Variants in ELOVL6 observed in about 807,000 individuals in gnomAD.
ELOVL6 encodes ELOVL fatty acid elongase 6, also known as very long chain fatty acid elongase 6.
ELOVL6 carries 8 observed loss-of-function variants against 31.7 expected under a neutral mutation model. That is an observed-to-expected ratio of 0.25 (90% CI 0.15 to 0.45). The LOEUF (loss-of-function observed/expected upper bound fraction) is 0.45. ELOVL6 is among the 20% of genes least tolerant of loss of function. ELOVL6 has a pLI of 1.00. For missense variants in ELOVL6, 126 were observed against 326.4 expected (o/e 0.39, Z 4.73); for synonymous variants, 101 against 117.7 (o/e 0.86, Z 0.92).
At chr4:110,172,126 C>T (rs1267293428) in intron 1 of ELOVL6, among the ~76,000 whole-genome samples, 1 of 152,112 alleles carries the variant, frequency 6.6e-6, no homozygotes, top group East Asian at 1.9e-4. Flanking sequence ...GAGACCCAGA[C>T]ATGTGACTCT....
intron 1 of ELOVL6, among the ~76,000 whole-genome samples, chr4:110,130,577 A>AT (rs1757638915): frequency 1.3e-5 from 2 of 152,246 alleles, no homozygotes; most frequent in Non-Finnish European, 2.9e-5. Context: ...AAGGAAAAGT[A>AT]ACTCCCAGAA....
intron 1 of ELOVL6, among the ~76,000 whole-genome samples, chr4:110,111,497 G>T (rs555833238): frequency 4.0e-5 from 6 of 150,628 alleles, no homozygotes; most frequent in African/African-American, 1.5e-4. Flanking sequence ...GTATTCCTTT[G>T]CAGTATGGTT....
chr4:110,060,386 C>T lies in ELOVL6; in HGVS notation c.222-632G>A, dbSNP rs571940335. 4.7e-4 allele frequency among the ~76,000 whole-genome samples: 71 copies of T among 152,312 alleles called. 1 individual carries two copies. In the South Asian group the frequency reaches 0.014, roughly 30 times the overall value. ...AAGCCCACTCAGGCAGAGATAAGTG[C>T]TCACTCCCTGAGCTCCCTAGAACCA... On this transcript the variant is annotated intron_variant, in intron 2 of 3. Transcript: ENST00000302274.
intron 1 of ELOVL6, among the ~76,000 whole-genome samples, chr4:110,140,032 A>C (rs1757910797): frequency 6.6e-6 from 1 of 152,070 alleles, no homozygotes; most frequent in Non-Finnish European, 1.5e-5. Context: ...TGACTTCCCT[A>C]ATCCCTGGCT....
chr4:110,106,033 G>A (rs1321811065), intron 1 of ELOVL6, among the ~76,000 whole-genome samples: 1 of 152,202 alleles, frequency 6.6e-6, no homozygotes, highest in African/African-American at 2.4e-5. Context: ...TTGGTGACAA[G>A]GTTGTGTCTT....
intron 1 of ELOVL6, 98 bp downstream of exon 1, chr4:110,198,149 C>T: frequency 1.4e-6 from 1 of 713,324 alleles, no homozygotes; most frequent in Non-Finnish European, 2.5e-6. Context: ...CGCGATTCAT[C>T]GCTCCATTCA....
chr4:110,131,948 T>C (rs1757681998), intron 1 of ELOVL6, among the ~76,000 whole-genome samples: 1 of 152,056 alleles, frequency 6.6e-6, no homozygotes, highest in Non-Finnish European at 1.5e-5. Context: ...TTTTAAGGCA[T>C]GCCAGAATGG....
At chr4:110,104,029 A>C (rs1756821292) in intron 2 of ELOVL6, among the ~76,000 whole-genome samples, 1 of 152,238 alleles carries the variant, frequency 6.6e-6, no homozygotes, top group Non-Finnish European at 1.5e-5. Flanking sequence ...AGCAAGATTA[A>C]ACGAAGTAAA....
rs567229567 is a variant in ELOVL6, at chr4:110,174,756, T to G, written c.89+23491A>C. ...TGTAAAGCACAAGAAATTGTCACAC[T>G]ATATAACATGACCTTTACCTACATT... On this transcript the variant is annotated intron_variant, in intron 1 of 3. Coordinates refer to ENST00000302274, the MANE Select transcript of ELOVL6 (RefSeq NM_024090.3). Among the ~76,000 whole-genome samples, 12 of 152,294 alleles carry G rather than the reference T, an allele frequency of 7.9e-5. No homozygotes were observed. In the South Asian group the frequency reaches 2.1e-3, roughly 26 times the overall value.
intron 2 of ELOVL6, among the ~76,000 whole-genome samples, chr4:110,084,901 GATATATTA>G (rs1240446931): frequency 6.6e-6 from 1 of 151,812 alleles, no homozygotes; most frequent in African/African-American, 2.4e-5. Flanking sequence ...CGTATGCTGT[GATATATTA>G]ATAGCAAGGA....
At chr4:110,158,635 G>GTGTATA (rs1463085529) in intron 1 of ELOVL6, among the ~76,000 whole-genome samples, 6 of 81,568 alleles carry the variant, frequency 7.4e-5, no homozygotes, top group African/African-American at 3.5e-4. Context: ...ATATACACGT[G>GTGTATA]TATATATATA....
intron 1 of ELOVL6, among the ~76,000 whole-genome samples, chr4:110,160,378 CT>C (rs1758598405): frequency 6.6e-6 from 1 of 152,206 alleles, no homozygotes; most frequent in Non-Finnish European, 1.5e-5. Flanking sequence ...CCACCCACCC[CT>C]GACTTCCTGT....
chr4:110,084,102 GATATATATGAT>G (rs1275895624), intron 2 of ELOVL6, among the ~76,000 whole-genome samples: 1 of 76,606 alleles, frequency 1.3e-5, no homozygotes, highest in Non-Finnish European at 2.1e-5. Context: ...ACATATATAT[GATATATATGAT>G]ATATATAACA....
At chr4:110,154,770 G>A (rs1205250865) in intron 1 of ELOVL6, among the ~76,000 whole-genome samples, 1 of 152,174 alleles carries the variant, frequency 6.6e-6, no homozygotes, top group African/African-American at 2.4e-5. Context: ...AAGGGAAGTG[G>A]CAGTGTAACC....
chr4:110,170,228 T>A (rs1409652671), intron 1 of ELOVL6, among the ~76,000 whole-genome samples: 1 of 152,260 alleles, frequency 6.6e-6, no homozygotes, highest in Non-Finnish European at 1.5e-5. Flanking sequence ...AAAATAAAGT[T>A]CCCTTATCAG....
intron 1 of ELOVL6, among the ~76,000 whole-genome samples, chr4:110,130,252 A>G (rs1460604322): frequency 6.6e-6 from 1 of 152,186 alleles, no homozygotes; most frequent in Non-Finnish European, 1.5e-5. Flanking sequence ...AATGTAAGGC[A>G]CTAAGTTCTG....
In ELOVL6 at chr4:110,051,586, G is replaced by T. The variant is rs1157208740; in HGVS notation, c.550C>A (p.Arg184=). The change falls in exon 4 of 4, where the codon CGG becomes AGG. Residue 184 remains arginine, a synonymous_variant. Coordinates refer to ENST00000302274, the MANE Select transcript of ELOVL6 (RefSeq NM_024090.3). The surrounding 1 kb of genome is among the most constrained non-coding windows in gnomAD (Gnocchi z 4.8). ...HAVMYSYYAL[R]AAGFRVSRKF... ...CGGGAGACTCGGAAACCTGCCGCCC[G>T]CAAGGCATAGTAAGAGTACATCACG... 6.2e-7 allele frequency: 1 copy of T among 1,614,152 alleles called. No individual in the cohort carries two copies. Among genetic ancestry groups the T allele is most frequent in the Admixed American group, 1.7e-5 (1 of 60,030 alleles).
intron 1 of ELOVL6, among the ~76,000 whole-genome samples, chr4:110,160,636 CAATTA>C (rs1758605748): frequency 6.6e-6 from 1 of 152,154 alleles, no homozygotes; most frequent in African/African-American, 2.4e-5. Context: ...GCTATTGTAA[CAATTA>C]AATACTAAAA....
At chr4:110,140,090 T>C (rs1443062113) in intron 1 of ELOVL6, among the ~76,000 whole-genome samples, 2 of 152,230 alleles carry the variant, frequency 1.3e-5, no homozygotes, top group Non-Finnish European at 2.9e-5. Context: ...CCGCTGGCTT[T>C]ACAGTCCTTT....
Sources: allele counts gnomAD v4.1 joint callset (sites outside exome capture counted in the v4.1 genomes callset), GRCh38; gene constraint gnomAD v4.1.1; non-coding constraint Gnocchi (gnomAD v3.1); transcripts MANE v1.5; gene names NCBI Gene and HGNC (gene_info 2026-07-23, HGNC 2026-07-21).